SCFD2: variants seen among roughly 807,000 people sequenced by gnomAD.
SCFD2 encodes sec1 family domain containing 2.
In SCFD2, 54 loss-of-function variants were observed where a neutral mutation model predicts 58.9. The ratio of observed to expected loss-of-function variants is 0.92; its 90% confidence interval spans 0.74 to 1.15. The LOEUF (loss-of-function observed/expected upper bound fraction) is 1.15, where lower values mean the gene tolerates loss of function less well. Ranked by LOEUF, SCFD2 falls within the 50% of genes most tolerant of loss-of-function variation. The pLI is 0.00. For synonymous variants in SCFD2, 321 were observed against 335.9 expected, an observed-to-expected ratio of 0.96 and a Z score of 0.49; for missense variants, 805 against 836.6, an observed-to-expected ratio of 0.96 and a Z score of 0.47.
intron 5 of SCFD2, among the ~76,000 whole-genome samples, chr4:53,039,161 G>C (rs909785395): frequency 2.0e-5 from 3 of 152,080 alleles, no homozygotes; most frequent in African/African-American, 4.8e-5. Flanking sequence ...TTTCATCAAA[G>C]AGAAAAAGAG....
chr4:53,299,203 G>C (rs559791409), intron 3 of SCFD2, among the ~76,000 whole-genome samples: 84 of 152,256 alleles, frequency 5.5e-4, no homozygotes, highest in African/African-American at 1.9e-3. Context: ...TTGAAAAAAA[G>C]TTAGATGAAT....
intron 5 of SCFD2, among the ~76,000 whole-genome samples, chr4:53,001,370 G>C (rs1220129361): frequency 6.6e-6 from 1 of 152,120 alleles, no homozygotes; most frequent in Non-Finnish European, 1.5e-5. Flanking sequence ...TTCCCTTTTA[G>C]CGTTACTGAT....
In SCFD2 at chr4:53,139,324, C is replaced by T. The variant is rs367910284; in HGVS notation, c.1561+6009G>A. 3.7e-4 allele frequency among the ~76,000 whole-genome samples: 56 copies of T among 152,176 alleles called. 1 individual carries two copies. The East Asian group carries it at 8.0e-3, about 22-fold the overall frequency. ...ACAAGAAGTGAGGAGCGTCTCTGCC[C>T]GGCCGCCCATCGTCTGGGATGTGAG... On this transcript the variant is annotated intron_variant, in intron 5 of 8. Transcript: ENST00000401642.
rs560194698 is a variant in SCFD2, at chr4:52,960,676, A to T, written c.1562-39806T>A. On this transcript the variant is annotated intron_variant, in intron 5 of 8. Transcript: ENST00000401642. ...GAGCCACCGTGCCTGGCCAAAGCACATCTTCTTTTCCACGCACCTCATTTC... is the reference window on the plus strand; with the variant it reads ...GAGCCACCGTGCCTGGCCAAAGCACTTCTTCTTTTCCACGCACCTCATTTC... Among the ~76,000 whole-genome samples the T allele has an allele frequency of 1.1e-4, 17 of 151,312 alleles. No individual in the cohort carries two copies. In the East Asian group the frequency reaches 3.1e-3, roughly 28 times the overall value.
At chr4:53,339,366 T>TTATATATATGTAATATGTATTACATAA in intron 2 of SCFD2, among the ~76,000 whole-genome samples, 1 of 150,378 alleles carries the variant, frequency 6.6e-6, no homozygotes, top group Non-Finnish European at 1.5e-5. Flanking sequence ...ATATTACATA[T>TTATATATATGTAATATGTATTACATAA]TATATATATG....
Position 53,365,858 on chromosome 4 carries a change from C to G in SCFD2, c.84G>C (p.Leu28=), listed in dbSNP as rs1306191460. ...GCAGGCTCTCGGCGCAGGCGGCGTC[C>G]AGGTAAACCACAGCCCGTTTCACTT... ...LAKVKRAVVY[L]DAACAESLHW... Residue 28 remains leucine (L), a synonymous_variant, in exon 1 of 9, where the codon CTG becomes CTC. Transcript: ENST00000401642. This position sits in a 1 kb window ranked among gnomAD's most constrained non-coding sequence, Gnocchi z 4.3. The G allele has an allele frequency of 5.6e-6, 9 of 1,612,134 alleles. No individual in the cohort carries two copies. The highest frequency in any genetic ancestry group is 1.3e-5 in the African/African-American group (1 of 74,924).
In SCFD2 at chr4:52,978,999, C is replaced by T. The variant is rs114489667; in HGVS notation, c.1562-58129G>A. Among the ~76,000 whole-genome samples, 649 of 151,804 alleles carry T rather than the reference C, an allele frequency of 4.3e-3. 13 individuals are homozygous for T. The highest frequency in any genetic ancestry group is 0.015 in the African/African-American group (619 of 41,414). ...GTCTTGAACTCCTGGCTTCAAGTGA[C>T]CCTCTCTCTTCAGCCTCCCAAGGTG... On this transcript the variant is annotated intron_variant, in intron 5 of 8. Transcript: ENST00000401642.
intron 3 of SCFD2, among the ~76,000 whole-genome samples, chr4:53,302,112 C>G (rs541422191): frequency 1.3e-5 from 2 of 152,054 alleles, no homozygotes; most frequent in East Asian, 3.9e-4. Context: ...GGCAATCAGG[C>G]AGGAGAAGGA....
intron 5 of SCFD2, among the ~76,000 whole-genome samples, chr4:53,076,994 C>A (rs1003440016): frequency 1.3e-5 from 2 of 152,152 alleles, no homozygotes; most frequent in Non-Finnish European, 2.9e-5. Context: ...AGATGTATAT[C>A]TTGTATATAT....
chr4:53,284,291 A>G (rs1313130720), intron 3 of SCFD2, among the ~76,000 whole-genome samples: 1 of 151,662 alleles, frequency 6.6e-6, no homozygotes, highest in East Asian at 1.9e-4. Context: ...ATGCACTTTC[A>G]TTTTTCTTAT....
intron 4 of SCFD2, among the ~76,000 whole-genome samples, chr4:53,176,350 T>C (rs965566976): frequency 2.0e-5 from 3 of 152,194 alleles, no homozygotes; most frequent in African/African-American, 7.2e-5. Context: ...ATATAATACA[T>C]AGTTGAAACA....
intron 4 of SCFD2, 101 bp downstream of exon 4, chr4:53,273,725 C>A: frequency 1.9e-6 from 2 of 1,048,708 alleles, no homozygotes; most frequent in Middle Eastern, 2.2e-4. Context: ...CACATGTCAA[C>A]AATATGATTT....
At chr4:53,308,914 A>G (rs1304029368) in intron 3 of SCFD2, among the ~76,000 whole-genome samples, 1 of 152,080 alleles carries the variant, frequency 6.6e-6, no homozygotes, top group Non-Finnish European at 1.5e-5. Context: ...GCGGATCACA[A>G]GGTCATGAGT....
chr4:52,878,895 T>C (rs1257846459), intron 8 of SCFD2, among the ~76,000 whole-genome samples: 1 of 152,150 alleles, frequency 6.6e-6, no homozygotes, highest in Non-Finnish European at 1.5e-5. Context: ...AAATCAGAGG[T>C]ACATAGAACC....
chr4:52,891,953 C>A (rs1201855565), intron 7 of SCFD2, among the ~76,000 whole-genome samples: 2 of 152,228 alleles, frequency 1.3e-5, no homozygotes, highest in Non-Finnish European at 2.9e-5. Context: ...TGGCCTCTGG[C>A]CCCTGATCTT....
intron 4 of SCFD2, among the ~76,000 whole-genome samples, chr4:53,240,975 G>A (rs1375813784): frequency 6.6e-6 from 1 of 152,226 alleles, no homozygotes; most frequent in Non-Finnish European, 1.5e-5. Context: ...ATCTTCAGAG[G>A]GAAGGCATTG....
At chr4:52,977,691 G>T (rs1053261686) in intron 5 of SCFD2, among the ~76,000 whole-genome samples, 2 of 152,168 alleles carry the variant, frequency 1.3e-5, no homozygotes, top group Non-Finnish European at 1.5e-5. Flanking sequence ...TCGTGCTCTA[G>T]TTATCAGGAA....
At chr4:53,271,302 AAC>A (rs765127056) in intron 4 of SCFD2, among the ~76,000 whole-genome samples, 1 of 149,918 alleles carries the variant, frequency 6.7e-6, no homozygotes, top group Non-Finnish European at 1.5e-5. Flanking sequence ...ACACACATAC[AAC>A]ACACACACAC....
intron 6 of SCFD2, among the ~76,000 whole-genome samples, chr4:52,910,277 T>C (rs143422236): frequency 3.3e-5 from 5 of 152,328 alleles, no homozygotes; most frequent in Non-Finnish European, 7.3e-5. Context: ...CTGGCTGGAA[T>C]GTAGAAGTGA....
Sources: gnomAD v4.1 joint callset for allele counts (sites outside exome capture counted in the v4.1 genomes callset) on GRCh38, gnomAD v4.1.1 for gene constraint, Gnocchi (gnomAD v3.1) non-coding constraint, MANE v1.5 for transcripts, NCBI Gene and HGNC (gene_info 2026-07-23, HGNC 2026-07-21) for gene names.